The following LRRC8B variants were observed in gnomAD, a reference collection of about 807,000 sequenced individuals.
LRRC8B encodes the protein leucine rich repeat containing 8 VRAC subunit B.
Under a neutral mutation model 58.8 loss-of-function variants are expected in LRRC8B, and 23 were observed. The observed-to-expected ratio is 0.39, with a 90% CI of 0.28 to 0.55. LRRC8B has a LOEUF of 0.55. Among genes scored for constraint, LRRC8B ranks in the 20% least tolerant of loss-of-function variants. LRRC8B has a pLI of 0.62. For synonymous variants in LRRC8B, 359 were observed against 374.1 expected (o/e 0.96, Z 0.47); for missense variants, 694 against 936.0 (o/e 0.74, Z 3.37).
rs994730685 is a variant in LRRC8B, at chr1:89,595,902, A to G, written c.*2859A>G. ...CGTTGGCATTTGATTTCAAGAATAC[A>G]TATGCATTTTCCAAAAAATAAATGT... On this transcript the variant is annotated 3_prime_UTR_variant, in exon 6 of 6. Coordinates refer to ENST00000330947, the MANE Select transcript of LRRC8B (RefSeq NM_001369817.2). 6 of 152,190 alleles carry G rather than the reference A, an allele frequency of 3.9e-5. No individual in the cohort carries two copies. The highest frequency in any genetic ancestry group is 1.3e-4 in the Admixed American group (2 of 15,278). The allele number at this position is 152,190 out of a possible 1,614,324, so 9.4% of individuals were successfully genotyped here.
chr1:89,567,740 CA>C (rs917881266), intron 1 of LRRC8B, among the ~76,000 whole-genome samples: 4 of 149,920 alleles, frequency 2.7e-5, no homozygotes, highest in Admixed American at 2.0e-4. Context: ...GAAGTATATG[CA>C]AAAAAAACAT....
At chr1:89,571,278 A>G (rs1312601010) in intron 3 of LRRC8B, among the ~76,000 whole-genome samples, 1 of 152,190 alleles carries the variant, frequency 6.6e-6, no homozygotes, top group African/African-American at 2.4e-5. Flanking sequence ...TAGGAATAGC[A>G]TTGAATCTAT....
intron 1 of LRRC8B, among the ~76,000 whole-genome samples, chr1:89,531,995 G>A (rs1650169394): frequency 6.6e-6 from 1 of 151,942 alleles, no homozygotes; most frequent in African/African-American, 2.4e-5. Flanking sequence ...GATTTGCCTG[G>A]GTATTTGCAG....
rs1314968016 is a variant in LRRC8B, at chr1:89,561,639, T to C, written c.-240-6608T>C. On this transcript the variant is annotated intron_variant, in intron 1 of 5. Coordinates refer to ENST00000330947, the MANE Select transcript of LRRC8B (RefSeq NM_001369817.2). ...AGTTTTCCCAGCACCATTTATTAAA[T>C]AGGGAATCCTTTCCCCATTGCTTGT... Among the ~76,000 whole-genome samples the C allele has an allele frequency of 8.6e-3, 969 of 112,486 alleles. 16 individuals carry two copies. The highest frequency in any genetic ancestry group is 0.033 in the African/African-American group (932 of 28,572). 73.8% of individuals were successfully genotyped at this position (112,486 alleles called of 152,430 possible).
chr1:89,576,300 A>T (rs971777598), intron 3 of LRRC8B, among the ~76,000 whole-genome samples: 1 of 152,208 alleles, frequency 6.6e-6, no homozygotes, highest in African/African-American at 2.4e-5. Flanking sequence ...AGTCTAGTGC[A>T]ACTTCCAAGA....
chr1:89,553,661 A>C (rs889737554), intron 1 of LRRC8B, among the ~76,000 whole-genome samples: 1 of 152,214 alleles, frequency 6.6e-6, no homozygotes, highest in African/African-American at 2.4e-5. Context: ...CTGCTTCCTT[A>C]AAATCTAATT....
intron 3 of LRRC8B, among the ~76,000 whole-genome samples, chr1:89,572,904 T>C (rs1208546057): frequency 6.6e-6 from 1 of 152,216 alleles, no homozygotes; most frequent in Non-Finnish European, 1.5e-5. Context: ...AATTGAGAGA[T>C]CTTTTCCTAA....
intron 3 of LRRC8B, among the ~76,000 whole-genome samples, chr1:89,574,535 C>A (rs1653701582): frequency 1.3e-5 from 2 of 152,180 alleles, no homozygotes; most frequent in South Asian, 4.1e-4. Flanking sequence ...GTGGATCTAG[C>A]TCAGGAGATT....
chr1:89,569,260 C>T (rs1378532965), intron 3 of LRRC8B, among the ~76,000 whole-genome samples: 1 of 152,110 alleles, frequency 6.6e-6, no homozygotes, highest in Non-Finnish European at 1.5e-5. Context: ...TAGGTATATT[C>T]ACATTTCCAT....
At chr1:89,578,425 T>G (rs189805661) in intron 3 of LRRC8B, among the ~76,000 whole-genome samples, 1 of 130,906 alleles carries the variant, frequency 7.6e-6, no homozygotes, top group Non-Finnish European at 1.8e-5. Context: ...TTGTGAATTG[T>G]GAATGAGAAA....
intron 1 of LRRC8B, among the ~76,000 whole-genome samples, chr1:89,558,481 G>GCA (rs1349094386): frequency 6.6e-6 from 1 of 152,130 alleles, no homozygotes; most frequent in East Asian, 1.9e-4. Flanking sequence ...ACTAAGGAGG[G>GCA]CAAGAAAGGA....
chr1:89,549,254 A>G (rs1309841064), intron 1 of LRRC8B, among the ~76,000 whole-genome samples: 1 of 152,226 alleles, frequency 6.6e-6, no homozygotes, highest in Non-Finnish European at 1.5e-5. Flanking sequence ...ACATTTTCCA[A>G]CTCTATCAAA....
chr1:89,586,207 C>A (rs575760830), intron 5 of LRRC8B, among the ~76,000 whole-genome samples: 1 of 152,180 alleles, frequency 6.6e-6, no homozygotes, highest in Non-Finnish European at 1.5e-5. Context: ...ATTCAGTAGG[C>A]CAGACGTAGG....
At chr1:89,558,922 G>A (rs891191137) in intron 1 of LRRC8B, 1 of 152,134 alleles carries the variant, frequency 6.6e-6, no homozygotes, top group Admixed American at 6.5e-5. Context: ...GTTGCACTGA[G>A]GATTAAGCTT....
chr1:89,597,702 C>CAAAA lies in LRRC8B; in HGVS notation c.*4659_*4660insAAAA, dbSNP rs1655359279. 1 of 152,104 alleles carries CAAAA rather than the reference C, an allele frequency of 6.6e-6. No homozygotes were observed. The highest frequency in any genetic ancestry group is 6.5e-5 in the Admixed American group (1 of 15,274). The allele number at this position is 152,104 out of a possible 1,614,324, so 9.4% of individuals were successfully genotyped here. A position where few individuals can be genotyped will look rare whatever the true frequency, so the allele number is the denominator to read the frequency against. On this transcript the variant is annotated 3_prime_UTR_variant, in exon 6 of 6. Transcript: ENST00000330947. Reference sequence around the variant, plus strand: ...GGAAGATTTTGTTCAATGTTTTTGGCCCTCAGGTTTACTGTGTAAATCTGC... The same window carrying CAAAA: ...GGAAGATTTTGTTCAATGTTTTTGGCAAAACCTCAGGTTTACTGTGTAAATCTGC...
intron 1 of LRRC8B, among the ~76,000 whole-genome samples, chr1:89,535,466 C>T (rs982754335): frequency 2.6e-5 from 4 of 152,058 alleles, no homozygotes; most frequent in African/African-American, 9.7e-5. Context: ...CAGTGAGTTA[C>T]GATAGCACCA....
intron 1 of LRRC8B, among the ~76,000 whole-genome samples, chr1:89,525,752 C>T (rs1649642528): frequency 6.6e-6 from 1 of 152,108 alleles, no homozygotes; most frequent in African/African-American, 2.4e-5. Context: ...AGTTAGATGA[C>T]ATTTGTGGAA....
In LRRC8B at chr1:89,583,915, T is replaced by C. The variant is rs559514844; in HGVS notation, c.1265T>C (p.Ile422Thr). ...SKLVKNAQDKIELHLFMLNGL... is the reference protein window; with the variant it reads ...SKLVKNAQDKTELHLFMLNGL... ...CTTGTGAAAAATGCCCAGGACAAGA[T>C]AGAACTGCATCTTTTTATGCTCAAC... Residue 422 changes from isoleucine to threonine, a missense_variant, in exon 5 of 6, where the codon ATA (isoleucine) becomes ACA (threonine). By Grantham distance (89) the Ile-to-Thr change is moderately conservative (BLOSUM62 -1). Around this residue, in one of 5 missense-constraint regions of LRRC8B, gnomAD observed 162 missense variants for 198.5 expected, o/e 0.82. Transcript: ENST00000330947. This position sits in a 1 kb window ranked among gnomAD's most constrained non-coding sequence, Gnocchi z 5.2. 25 of 1,614,210 alleles carry C rather than the reference T, an allele frequency of 1.5e-5. No homozygotes were observed. The East Asian group carries it at 3.8e-4, about 24-fold the overall frequency.
At chr1:89,542,637 T>G (rs939506467) in intron 1 of LRRC8B, among the ~76,000 whole-genome samples, 1 of 152,248 alleles carries the variant, frequency 6.6e-6, no homozygotes, top group Non-Finnish European at 1.5e-5. Context: ...TTTACTATTA[T>G]GAATTTACTA....
Sources: gnomAD v4.1 joint callset for allele counts (sites outside exome capture counted in the v4.1 genomes callset) on GRCh38, gnomAD v4.1.1 for gene constraint, gnomAD v4.1.1 regional missense constraint, Gnocchi (gnomAD v3.1) non-coding constraint, MANE v1.5 for transcripts, NCBI Gene and HGNC (gene_info 2026-07-23, HGNC 2026-07-21) for gene names.